The following ZFHX4 variants were observed in gnomAD, a reference collection of about 807,000 sequenced individuals.
ZFHX4 encodes the protein zinc finger homeobox protein 4.
Under a neutral mutation model 267.6 loss-of-function variants are expected in ZFHX4, and 56 were observed. The observed-to-expected ratio is 0.21, with a 90% confidence interval of 0.17 to 0.26. ZFHX4 has a LOEUF of 0.26. Among genes scored for constraint, ZFHX4 ranks in the 10% least tolerant of loss-of-function variants. ZFHX4 has a pLI of 1.00. For synonymous variants in ZFHX4, 1,778 were observed against 1,665.6 expected (o/e 1.07, Z -1.64); for missense variants, 4,332 against 4,420.0 (o/e 0.98, Z 0.56).
chr8:76,802,228 G>A (rs567072071), intron 4 of ZFHX4, among the ~76,000 whole-genome samples: 3 of 152,084 alleles, frequency 2.0e-5, no homozygotes, highest in Admixed American at 6.6e-5. Flanking sequence ...ATCCAGAACT[G>A]TCAATAGTAA....
At chr8:76,681,759 C>CCCTA (rs1807535208) in intron 1 of ZFHX4, 139 bp downstream of exon 1, 1 of 319,660 alleles carries the variant, frequency 3.1e-6, no homozygotes, top group African/African-American at 2.1e-5. Flanking sequence ...TCCTCTCTAC[C>CCCTA]CCTACCTCGC....
rs1303899643 is a variant in ZFHX4, at chr8:76,853,245, C to T, written c.6324C>T (p.Asp2108=). ...CACAGATGGACGCACTCTCTGCAGA[C>T]CTCACCCAACTTTGCCAGCAGCAGC... ...QLPQMDALSA[D]LTQLCQQQLG... is the part of the protein sequence containing the mutation. The change falls in exon 10 of 11, where the codon GAC becomes GAT. Residue 2108 remains aspartate, a synonymous_variant. Transcript: ENST00000651372. The T allele has an allele frequency of 6.3e-7, 1 of 1,584,014 alleles. No individual in the cohort carries two copies. The highest frequency in any genetic ancestry group is 8.6e-7 in the Non-Finnish European group (1 of 1,164,538).
chr8:76,769,957 CCTCCTGCTACTGT>C (rs1484709435), intron 3 of ZFHX4, among the ~76,000 whole-genome samples: 3 of 152,234 alleles, frequency 2.0e-5, no homozygotes, highest in South Asian at 2.1e-4. Context: ...GGAGCTGCTG[CCTCCTGCTACTGT>C]CTCCTGCTAC....
chr8:76,750,406 C>A (rs1809583161), intron 3 of ZFHX4, among the ~76,000 whole-genome samples: 1 of 151,966 alleles, frequency 6.6e-6, no homozygotes, highest in Non-Finnish European at 1.5e-5. Flanking sequence ...GCTCATTTCA[C>A]CCTAAATGGA....
At chr8:76,833,247 A>G (rs1481502304) in intron 4 of ZFHX4, 91 bp from the exon 5 acceptor site, 4 of 1,001,386 alleles carry the variant, frequency 4.0e-6, no homozygotes, top group Non-Finnish European at 6.1e-6. Context: ...ATCTCTCCTG[A>G]CTGCCAAATT....
At position 76,853,215 on chromosome 8, in the gene ZFHX4, G is replaced by A; in HGVS notation, c.6294G>A (p.Gln2098=). ...CGCTTCCTCCCCAGCTTGCCCTGCA[G>A]CTGCCACAGATGGACGCACTCTCTG... ...HPALPPQLAL[Q]LPQMDALSAD... is the part of the protein sequence containing the mutation. Residue 2098 remains glutamine (Q), a synonymous_variant, in exon 10 of 11, where the codon CAG becomes CAA. Coordinates refer to ENST00000651372, the MANE Select transcript of ZFHX4 (RefSeq NM_024721.5). 1.3e-6 allele frequency: 2 copies of A among 1,565,620 alleles called. No individual in the cohort carries two copies. Among genetic ancestry groups the A allele is most frequent in the South Asian group, 1.2e-5 (1 of 85,444 alleles).
intron 4 of ZFHX4, among the ~76,000 whole-genome samples, chr8:76,816,465 C>T (rs1270437649): frequency 6.6e-6 from 1 of 152,180 alleles, no homozygotes; most frequent in Admixed American, 6.5e-5. Flanking sequence ...TCTCCTTCTC[C>T]AGATTCAAGC....
chr8:76,818,884 T>C (rs560965155), intron 4 of ZFHX4, among the ~76,000 whole-genome samples: 1 of 151,950 alleles, frequency 6.6e-6, no homozygotes, highest in East Asian at 1.9e-4. Context: ...GACACTGCAC[T>C]CCAGCCTAGG....
intron 4 of ZFHX4, among the ~76,000 whole-genome samples, chr8:76,825,380 G>A (rs1037736143): frequency 2.0e-5 from 3 of 152,188 alleles, no homozygotes; most frequent in Admixed American, 6.5e-5. Context: ...TGGTGGAGCT[G>A]GGATTCAAGC....
intron 3 of ZFHX4, among the ~76,000 whole-genome samples, chr8:76,747,734 C>A (rs1260966275): frequency 6.6e-6 from 1 of 152,094 alleles, no homozygotes; most frequent in Non-Finnish European, 1.5e-5. Flanking sequence ...GAGTTTGAGA[C>A]CAGCCTGATT....
Position 76,850,254 on chromosome 8 carries a change from C to T in ZFHX4, c.3856C>T (p.Pro1286Ser). The T allele has an allele frequency of 6.2e-7, 1 of 1,612,202 alleles. No homozygotes were observed. The highest frequency in any genetic ancestry group is 8.5e-7 in the Non-Finnish European group (1 of 1,179,350). Residue 1286 changes from proline (P) to serine (S), a missense_variant, in exon 9 of 11, where the codon CCT (proline) becomes TCT (serine). By Grantham distance (74) the Pro-to-Ser change is moderately conservative. Around this residue, in one of 7 missense-constraint regions of ZFHX4, gnomAD observed 1,371 missense variants for 1,423.1 expected, o/e 0.96. Transcript: ENST00000651372. ...VEKLLMTVPV[P>S]DVMMPNSMLL... ...CCTTTGGTTTCCAAAGGTGCCTGTC[C>T]CTGATGTGATGATGCCAAACAGTAT...
chr8:76,766,662 A>G lies in ZFHX4; in HGVS notation c.3094-11546A>G, dbSNP rs529531248. Among the ~76,000 whole-genome samples, 418 of 152,102 alleles carry G rather than the reference A, an allele frequency of 2.7e-3. 1 individual carries two copies. The highest frequency in any genetic ancestry group is 9.6e-3 in the African/African-American group (398 of 41,546). ...TATAGGTTTAAAATAATAATAGAAA[A>G]TTTAATTTATTTTTCCTTTTTACAT... On this transcript the variant is annotated intron_variant, in intron 3 of 10. Transcript: ENST00000651372.
At chr8:76,834,304 C>T in intron 5 of ZFHX4, 1 of 259,134 alleles carries the variant, frequency 3.9e-6, no homozygotes, top group South Asian at 4.0e-5. Flanking sequence ...TTTGTAAAAA[C>T]CACCAAACTG....
At position 76,850,971 on chromosome 8, in the gene ZFHX4, G is replaced by C; in HGVS notation, c.4050G>C (p.Pro1350=). The change falls in exon 10 of 11, where the codon CCG becomes CCC. Residue 1350 remains proline (P), a synonymous_variant. Transcript: ENST00000651372. ...NVEVKNEEQK[P]TKEPLEVSEW... is the part of the protein sequence containing the mutation. Reference sequence around the variant, plus strand: ...AAGTAAAGAATGAGGAGCAGAAACCGACTAAAGAACCCTTGGAAGTCTCAG... The same window carrying C: ...AAGTAAAGAATGAGGAGCAGAAACCCACTAAAGAACCCTTGGAAGTCTCAG... 1 of 1,613,684 alleles carries C rather than the reference G, an allele frequency of 6.2e-7. No individual in the cohort carries two copies.
Position 76,852,141 on chromosome 8 carries a change from A to G in ZFHX4, c.5220A>G (p.Pro1740=), listed in dbSNP as rs549874338. The change falls in exon 10 of 11, where the codon CCA becomes CCG. Residue 1740 remains proline, a synonymous_variant. Coordinates refer to ENST00000651372, the MANE Select transcript of ZFHX4 (RefSeq NM_024721.5). Reference sequence around the variant, plus strand: ...TTCAGCAGCCTCAGTTTCTCTTTCCATTTTATATACCTGGGACGGAGTTCA... The same window carrying G: ...TTCAGCAGCCTCAGTTTCTCTTTCCGTTTTATATACCTGGGACGGAGTTCA... ...LQFQQPQFLF[P]FYIPGTEFSL... 3.1e-6 allele frequency: 5 copies of G among 1,613,816 alleles called. No homozygotes were observed. Among genetic ancestry groups the G allele is most frequent in the East Asian group, 2.2e-5 (1 of 44,854 alleles).
At chr8:76,709,567 C>A (rs973219218) in intron 3 of ZFHX4, among the ~76,000 whole-genome samples, 14 of 151,978 alleles carry the variant, frequency 9.2e-5, no homozygotes, top group African/African-American at 3.1e-4. Context: ...TAGATTTAGA[C>A]CCTGGGAGCT....
chr8:76,828,209 T>G (rs1336033591), intron 4 of ZFHX4, among the ~76,000 whole-genome samples: 1 of 152,212 alleles, frequency 6.6e-6, no homozygotes, highest in Non-Finnish European at 1.5e-5. Flanking sequence ...TTGAATTTTA[T>G]GTATTCTTCT....
At chr8:76,802,933 T>A (rs937412079) in intron 4 of ZFHX4, among the ~76,000 whole-genome samples, 1 of 152,162 alleles carries the variant, frequency 6.6e-6, no homozygotes, top group African/African-American at 2.4e-5. Flanking sequence ...GAGAAAATAA[T>A]AAGAAATCCT....
At chr8:76,804,850 T>C (rs376194484) in intron 4 of ZFHX4, among the ~76,000 whole-genome samples, 2 of 152,232 alleles carry the variant, frequency 1.3e-5, no homozygotes, top group East Asian at 3.9e-4. Flanking sequence ...GAACTGTTGC[T>C]GTGTTGTTCA....
Sources: allele counts gnomAD v4.1 joint callset (sites outside exome capture counted in the v4.1 genomes callset), GRCh38; gene constraint gnomAD v4.1.1; regional missense constraint gnomAD v4.1.1; transcripts MANE v1.5; gene names NCBI Gene and HGNC (gene_info 2026-07-23, HGNC 2026-07-21).